HLA-DQB2: variants seen among roughly 807,000 people sequenced by gnomAD.
HLA-DQB2 encodes HLA class II histocompatibility antigen, DQ beta 2 chain.
In HLA-DQB2, 24 loss-of-function variants were observed where a neutral mutation model predicts 29.2. That is an observed-to-expected ratio of 0.82 (90% CI 0.60 to 1.16). The LOEUF is 1.16. Among genes scored for constraint, HLA-DQB2 ranks in the 50% most tolerant of loss-of-function variants. The pLI, the probability that HLA-DQB2 is intolerant of heterozygous loss-of-function variation, is 0.00. For missense variants in HLA-DQB2, 273 were observed against 343.6 expected (o/e 0.79, Z 1.62); for synonymous variants, 104 against 133.1 (o/e 0.78, Z 1.51).
chr6:32,761,632 A>C (rs750418201), intron 2 of HLA-DQB2, 28 bp downstream of exon 2: 1 of 1,530,638 alleles, frequency 6.5e-7, no homozygotes, highest in Non-Finnish European at 8.8e-7. Context: ...GCCAAGGGTG[A>C]GCCCCGCGGA....
intron 5 of HLA-DQB2, 72 bp downstream of exon 5, chr6:32,757,208 TG>T (rs775891466): frequency 7.8e-6 from 12 of 1,547,386 alleles, no homozygotes; most frequent in Non-Finnish European, 9.6e-6. Flanking sequence ...TTAGTAGAGA[TG>T]CGGTTTCACC....
chr6:32,757,280 C>T lies in HLA-DQB2; in HGVS notation c.781+1G>A, dbSNP rs1764338387. ...TGACTGGATCATGGCTGAAATATTA[C>T]CTGCTGGTGGAGGCCCTCGAGGTCC... On this transcript the variant is annotated splice_donor_variant, in intron 5 of 5. Coordinates refer to ENST00000437316, the MANE Select transcript of HLA-DQB2 (RefSeq NM_001300790.2). LOFTEE classifies it high-confidence loss of function. 2 of 1,550,338 alleles carry T rather than the reference C, an allele frequency of 1.3e-6. No homozygotes were observed. The highest frequency in any genetic ancestry group is 1.7e-6 in the Non-Finnish European group (2 of 1,146,920).
chr6:32,763,260 T>C, intron 1 of HLA-DQB2, 114 bp downstream of exon 1: 1 of 638,930 alleles, frequency 1.6e-6, no homozygotes, highest in Non-Finnish European at 2.8e-6. Flanking sequence ...AAAGAATAAA[T>C]GGTGATAAAA....
chr6:32,761,603 G>T, intron 2 of HLA-DQB2, 57 bp downstream of exon 2: 1 of 1,435,982 alleles, frequency 7.0e-7, no homozygotes, highest in South Asian at 1.3e-5. Flanking sequence ...CCCTCTGTGC[G>T]CAAGAGACTC....
At chr6:32,762,535 G>T (rs201306881) in intron 1 of HLA-DQB2, among the ~76,000 whole-genome samples, 1 of 134,736 alleles carries the variant, frequency 7.4e-6, no homozygotes, top group African/African-American at 2.7e-5. Flanking sequence ...AGTCCTAGAA[G>T]GAAACATTTA....
chr6:32,756,358 G>A lies in HLA-DQB2; in HGVS notation c.*95C>T. 1 of 801,124 alleles carries A rather than the reference G, an allele frequency of 1.2e-6. No homozygotes were observed. The highest frequency in any genetic ancestry group is 2.2e-6 in the Non-Finnish European group (1 of 460,332). 49.6% of individuals were successfully genotyped at this position (801,124 alleles called of 1,614,324 possible). ...GCCACTGTAGGACTCTGACCTCAGT[G>A]GGACAGGGTGACACAGGCAGCTAGG... On this transcript the variant is annotated 3_prime_UTR_variant, in exon 6 of 6. Coordinates refer to ENST00000437316, the MANE Select transcript of HLA-DQB2 (RefSeq NM_001300790.2).
At chr6:32,761,951 T>C in intron 1 of HLA-DQB2, 25 bp from the exon 2 acceptor site, 1 of 1,580,206 alleles carries the variant, frequency 6.3e-7, no homozygotes, top group Non-Finnish European at 8.6e-7. Flanking sequence ...GGCGGGTCAG[T>C]CAGGCCCCAG....
intron 2 of HLA-DQB2, among the ~76,000 whole-genome samples, chr6:32,761,203 C>T (rs983467462): frequency 0.087 from 11,030 of 127,390 alleles, no homozygotes; most frequent in East Asian, 0.17. Context: ...CCTAACTCCA[C>T]CAGGCCAAGC....
intron 5 of HLA-DQB2, chr6:32,756,946 C>T: frequency 8.3e-7 from 1 of 1,205,470 alleles, no homozygotes; most frequent in Non-Finnish European, 1.0e-6. Flanking sequence ...AAACTTTTCC[C>T]CTAAGTCTTA....
At chr6:32,757,067 T>A in intron 5 of HLA-DQB2, 1 of 1,413,066 alleles carries the variant, frequency 7.1e-7, no homozygotes, top group Non-Finnish European at 9.2e-7. Context: ...TCGCCCAGAC[T>A]GGAGTGCAGT....
At chr6:32,756,736 C>T (rs917021305) in intron 5 of HLA-DQB2, 2 of 1,302,912 alleles carry the variant, frequency 1.5e-6, no homozygotes, top group African/African-American at 1.5e-5. Context: ...TTGGGTGACA[C>T]TTCATCTCCA....
intron 2 of HLA-DQB2, 37 bp from the exon 3 acceptor site, chr6:32,759,168 G>A (rs1289866622): frequency 1.2e-6 from 2 of 1,601,208 alleles, no homozygotes; most frequent in Admixed American, 3.4e-5. Flanking sequence ...ATATAGGAGT[G>A]AGATGTGAGA....
chr6:32,760,359 A>C (rs1393849725), intron 2 of HLA-DQB2, among the ~76,000 whole-genome samples: 2 of 151,974 alleles, frequency 1.3e-5, no homozygotes, highest in Admixed American at 1.3e-4. Context: ...ACGAGTATTG[A>C]AGAACATAAA....
chr6:32,763,114 A>G lies in HLA-DQB2; in HGVS notation c.97+260T>C, dbSNP rs113204212. Among the ~76,000 whole-genome samples, 452 of 150,240 alleles carry G rather than the reference A, an allele frequency of 3.0e-3. 2 individuals carry two copies. The highest frequency in any genetic ancestry group is 0.01 in the African/African-American group (429 of 41,278). ...TGCCATGGTCATTTTGTCCTGTCAC[A>G]GGTAGTGAATGCACACTTTGTCTCC... On this transcript the variant is annotated intron_variant, in intron 1 of 5. Transcript: ENST00000437316.
Position 32,758,878 on chromosome 6 carries a change from G to C in HLA-DQB2, c.618C>G (p.Ser206Arg), listed in dbSNP as rs1478015807. ...ACTCCACGGTGATGGGGCTCTGGAG[G>C]CTGGGGTGCTCCACTTGGCAGGTGT... ...DIYTCQVEHPSLQSPITVEWR... is the reference protein window; with the variant it reads ...DIYTCQVEHPRLQSPITVEWR... The change falls in exon 3 of 6, where the codon AGC becomes AGG. Residue 206 changes from serine to arginine, a missense_variant. By Grantham distance (110) the Ser-to-Arg change is moderately radical. Transcript: ENST00000437316. 1.9e-6 allele frequency: 3 copies of C among 1,613,932 alleles called. No homozygotes were observed. In the African/African-American group the frequency reaches 4.0e-5, roughly 22 times the overall value.
At chr6:32,756,745 CA>C (rs1764295021) in intron 5 of HLA-DQB2, 1 of 1,259,214 alleles carries the variant, frequency 7.9e-7, no homozygotes, top group Non-Finnish European at 9.9e-7. Context: ...ACTTCATCTC[CA>C]CCACTAGCAG....
intron 1 of HLA-DQB2, 103 bp from the exon 2 acceptor site, chr6:32,762,029 T>C: frequency 6.8e-7 from 1 of 1,462,586 alleles, no homozygotes; most frequent in Non-Finnish European, 9.2e-7. Flanking sequence ...GGCCAGCAGC[T>C]GCGAAACCCG....
At chr6:32,761,480 G>C (rs1007380612) in intron 2 of HLA-DQB2, among the ~76,000 whole-genome samples, 180 bp downstream of exon 2, 1 of 151,224 alleles carries the variant, frequency 6.6e-6, no homozygotes, top group Non-Finnish European at 1.5e-5. Flanking sequence ...GCATCCCCCT[G>C]CTCTGCCCTA....
At chr6:32,756,822 A>G in intron 5 of HLA-DQB2, 2 of 1,199,670 alleles carry the variant, frequency 1.7e-6, no homozygotes, top group Non-Finnish European at 2.1e-6. Context: ...AGTGGGCATC[A>G]CCCTACTATC....
Sources: gnomAD v4.1 joint callset for allele counts (sites outside exome capture counted in the v4.1 genomes callset) on GRCh38, gnomAD v4.1.1 for gene constraint, MANE v1.5 for transcripts, NCBI Gene and HGNC (gene_info 2026-07-23, HGNC 2026-07-21) for gene names.